CHM: variants seen among roughly 807,000 people sequenced by gnomAD.
CHM encodes the protein CHM Rab escort protein, also known as rab proteins geranylgeranyltransferase component A 1.
CHM carries 10 observed loss-of-function variants against 49.0 expected under a neutral mutation model. That is an observed-to-expected ratio of 0.20 (90% CI 0.13 to 0.35). The LOEUF (loss-of-function observed/expected upper bound fraction) is 0.35. Ranked by LOEUF, CHM falls within the 10% of genes least tolerant of loss-of-function variation. The probability of loss-of-function intolerance (pLI) is 1.00; values close to 1 mark genes in which losing one functional copy is unlikely to be tolerated. For synonymous variants in CHM, 184 were observed against 167.5 expected, an observed-to-expected ratio of 1.10 and a Z score of -0.76; for missense variants, 455 against 478.4, an observed-to-expected ratio of 0.95 and a Z score of 0.46.
intron 8 of CHM, among the ~76,000 whole-genome samples, chrX:85,944,810 A>C (rs1929311463): frequency 8.9e-6 from 1 of 112,041 alleles, no homozygotes; most frequent in African/African-American, 3.2e-5. Flanking sequence ...AAATCATTCT[A>C]CCATAAAAAC....
intron 11 of CHM, among the ~76,000 whole-genome samples, chrX:85,897,165 AATATATATATTAT>A (rs1925928985): frequency 1.0e-5 from 1 of 96,788 alleles, no homozygotes; most frequent in African/African-American, 3.9e-5. Flanking sequence ...ATATATATCT[AATATATATATTAT>A]ATATATACTA....
At chrX:85,925,853 A>G (rs1928048923) in intron 8 of CHM, among the ~76,000 whole-genome samples, 1 of 111,453 alleles carries the variant, frequency 9.0e-6, no homozygotes, top group Admixed American at 9.6e-5. Flanking sequence ...AAAAATATCA[A>G]AAGTGAATGT....
chrX:85,938,227 C>A lies in CHM; in HGVS notation c.1166+17926G>T, dbSNP rs191960723. On this transcript the variant is annotated intron_variant, in intron 8 of 14. Coordinates refer to ENST00000357749, the MANE Select transcript of CHM (RefSeq NM_000390.4). ...TATCTCACCACCCCCTTCTGTTTAT[C>A]CCAAGAAACACTCTTTCCTCAAGGG... Among the ~76,000 whole-genome samples the A allele has an allele frequency of 6.2e-3, 688 of 111,763 alleles. 2 individuals are homozygous for A. The highest frequency in any genetic ancestry group is 0.01 in the Non-Finnish European group (539 of 53,116).
At chrX:86,001,102 A>C (rs938794368) in intron 2 of CHM, among the ~76,000 whole-genome samples, 4 of 112,028 alleles carry the variant, frequency 3.6e-5, no homozygotes, top group Non-Finnish European at 7.5e-5. Flanking sequence ...TATACCCCAA[A>C]AATATATACA....
intron 9 of CHM, among the ~76,000 whole-genome samples, chrX:85,903,060 A>T (rs184167532): frequency 8.9e-6 from 1 of 111,913 alleles, no homozygotes; most frequent in Non-Finnish European, 1.9e-5. Context: ...TCCAGGTAAT[A>T]ATATGCAAGC....
At chrX:86,002,355 T>A (rs1932758221) in intron 2 of CHM, among the ~76,000 whole-genome samples, 1 of 78,945 alleles carries the variant, frequency 1.3e-5, no homozygotes, top group Non-Finnish European at 3.1e-5. Context: ...AGCCATTGTG[T>A]CTGGGTCTTT....
intron 1 of CHM, among the ~76,000 whole-genome samples, chrX:86,043,126 A>T (rs1373966681): frequency 8.9e-6 from 1 of 111,970 alleles, no homozygotes; most frequent in Non-Finnish European, 1.9e-5. Flanking sequence ...AGATATATAC[A>T]ATGGTAATTT....
intron 4 of CHM, among the ~76,000 whole-genome samples, chrX:85,965,168 A>G (rs1182706355): frequency 8.9e-6 from 1 of 112,522 alleles, no homozygotes; most frequent in East Asian, 2.8e-4. Flanking sequence ...AGTTTGGTTC[A>G]TATCATTTGT....
rs1232194772 is a variant in CHM, at chrX:85,969,206, CAA to C, written c.315-5156_315-5155del. The C allele has an allele frequency of 5.4e-6, 4 of 738,213 alleles. No homozygotes were observed. The African/African-American group carries it at 9.3e-5, about 17-fold the overall frequency. The allele number at this position is 738,213 out of a possible 1,213,427, so 60.8% of individuals were successfully genotyped here. A position where few individuals can be genotyped will look rare whatever the true frequency, so the allele number is the denominator to read the frequency against. On this transcript the variant is annotated intron_variant, in intron 4 of 14. Transcript: ENST00000357749. Reference sequence around the variant, plus strand: ...TAATATTATACCAGAAAAAGGGAAACAACGTTCAGTACAATGCAGAAAATAGG... The same window carrying C: ...TAATATTATACCAGAAAAAGGGAAACCGTTCAGTACAATGCAGAAAATAGG...
intron 8 of CHM, among the ~76,000 whole-genome samples, chrX:85,945,430 C>T (rs1249057670): frequency 1.1e-5 from 1 of 92,254 alleles, no homozygotes; most frequent in Non-Finnish European, 2.2e-5. Flanking sequence ...TGTGGCATCT[C>T]CCTCTCTCTC....
intron 8 of CHM, among the ~76,000 whole-genome samples, chrX:85,944,122 G>C: frequency 8.9e-6 from 1 of 111,765 alleles, no homozygotes; most frequent in Non-Finnish European, 1.9e-5. Context: ...TTTTCCAACA[G>C]TATACTCCTT....
At chrX:85,913,332 A>AAAAAAAAGAAAGAAAG (rs762266365) in intron 8 of CHM, among the ~76,000 whole-genome samples, 1 of 23,406 alleles carries the variant, frequency 4.3e-5, no homozygotes, top group Non-Finnish European at 8.1e-5. Flanking sequence ...AAAAAAAAAA[A>AAAAAAAAGAAAGAAAG]AAAGAAAGAA....
intron 4 of CHM, among the ~76,000 whole-genome samples, chrX:85,978,346 G>T (rs1408238245): frequency 1.8e-5 from 2 of 111,482 alleles, no homozygotes; most frequent in Non-Finnish European, 3.8e-5. Context: ...TGGAGCACTA[G>T]GAAAAACTCT....
chrX:85,932,395 A>G (rs1039720309), intron 8 of CHM, among the ~76,000 whole-genome samples: 2 of 112,248 alleles, frequency 1.8e-5, no homozygotes, highest in African/African-American at 6.5e-5. Flanking sequence ...CAAAGTTTAC[A>G]TGTCCAAGGA....
chrX:86,029,175 T>C (rs936593625), intron 1 of CHM, among the ~76,000 whole-genome samples: 2 of 112,094 alleles, frequency 1.8e-5, no homozygotes, highest in Non-Finnish European at 3.8e-5. Context: ...AAGCTTAACT[T>C]TAGATATAAT....
At chrX:85,883,548 T>C (rs1383610065) in intron 12 of CHM, among the ~76,000 whole-genome samples, 4 of 111,091 alleles carry the variant, frequency 3.6e-5, no homozygotes, top group African/African-American at 1.3e-4. Context: ...CTCCAGAACA[T>C]CACCTTAAGA....
At chrX:85,953,848 AG>A (rs1929876221) in intron 8 of CHM, among the ~76,000 whole-genome samples, 1 of 112,208 alleles carries the variant, frequency 8.9e-6, no homozygotes, top group South Asian at 3.7e-4. Context: ...AAAACCTCCA[AG>A]ACACTGGTCT....
At position 85,962,871 on chromosome X, in the gene CHM, AC is replaced by A. The variant is rs753100169; in HGVS notation, c.702+793del. Among the ~76,000 whole-genome samples, 169 of 111,780 alleles carry A rather than the reference AC, an allele frequency of 1.5e-3. 1 individual carries two copies. Among genetic ancestry groups the A allele is most frequent in the African/African-American group, 5.4e-3 (167 of 30,776 alleles). Reference sequence around the variant, plus strand: ...GGGACCTCCTGTGAAGTTACAGTGAACTAACATTCAAGTTAGTTATGTTCAG... The same window carrying A: ...GGGACCTCCTGTGAAGTTACAGTGAATAACATTCAAGTTAGTTATGTTCAG... On this transcript the variant is annotated intron_variant, in intron 5 of 14. Transcript: ENST00000357749.
At chrX:85,986,125 C>A (rs1487175136) in intron 2 of CHM, among the ~76,000 whole-genome samples, 4 of 111,053 alleles carry the variant, frequency 3.6e-5, no homozygotes, top group Non-Finnish European at 7.5e-5. Context: ...TAGGTCACAC[C>A]CACCCCCGAC....
Sources: allele counts gnomAD v4.1 joint callset (sites outside exome capture counted in the v4.1 genomes callset), GRCh38; gene constraint gnomAD v4.1.1; transcripts MANE v1.5; gene names NCBI Gene and HGNC (gene_info 2026-07-23, HGNC 2026-07-21).